CD44: variants seen among roughly 807,000 people sequenced by gnomAD.
The protein encoded by CD44 is CD44 molecule (IN blood group), also known as CD44 antigen.
Under a neutral mutation model 88.8 loss-of-function variants are expected in CD44, and 49 were observed. The ratio of observed to expected loss-of-function variants is 0.55; its 90% CI spans 0.44 to 0.70. The LOEUF is 0.70. CD44 is among the 30% of genes least tolerant of loss of function. The pLI is 0.00. For missense variants in CD44, 883 were observed against 913.8 expected, an observed-to-expected ratio of 0.97 and a Z score of 0.43; for synonymous variants, 325 against 312.3, an observed-to-expected ratio of 1.04 and a Z score of -0.43.
Position 35,208,198 on chromosome 11 carries a change from T to A in CD44, c.1508T>A (p.Met503Lys). 6.2e-7 allele frequency: 1 copy of A among 1,606,190 alleles called. No individual in the cohort carries two copies. Among genetic ancestry groups the A allele is most frequent in the African/African-American group, 1.3e-5 (1 of 74,856 alleles). ...EDLDRTGPLSMTTQQSNSQSF... is the reference protein window; with the variant it reads ...EDLDRTGPLSKTTQQSNSQSF... ...TTGGACAGGACAGGACCTCTTTCAA[T>A]GACAACGCGTAAGAATAACGATGCT... is the stretch of plus-strand genomic sequence containing the variant. The change falls in exon 12 of 18, where the codon ATG becomes AAG. Residue 503 changes from methionine to lysine, a missense_variant. Physicochemically the swap from Met to Lys is moderately conservative, Grantham distance 95 (BLOSUM62 -1). Around this residue, in one of 2 missense-constraint regions of CD44, gnomAD observed 631 missense variants for 590.9 expected, o/e 1.07. Transcript: ENST00000428726.
chr11:35,195,206 T>C (rs937592936), intron 5 of CD44, among the ~76,000 whole-genome samples: 4 of 152,228 alleles, frequency 2.6e-5, no homozygotes, highest in Admixed American at 2.0e-4. Flanking sequence ...TTTATTAACT[T>C]TCATTGATGG....
intron 1 of CD44, among the ~76,000 whole-genome samples, chr11:35,140,353 C>T (rs545614248): frequency 2.6e-5 from 4 of 152,286 alleles, no homozygotes; most frequent in Admixed American, 2.0e-4. Flanking sequence ...ATTTGCTTAT[C>T]GCTGGCCAAA....
rs552662107 is a variant in CD44, at chr11:35,196,795, A to G, written c.717A>G (p.Gln239=). ...ATATETATKR[Q]ETWDWFSWLF... Reference sequence around the variant, plus strand: ...CAACTGAGACAGCAACCAAGAGGCAAGAAACCTGGGATTGGTTTTCATGGT... The same window carrying G: ...CAACTGAGACAGCAACCAAGAGGCAGGAAACCTGGGATTGGTTTTCATGGT... The change falls in exon 6 of 18, where the codon CAA becomes CAG. Residue 239 remains glutamine (Q), a synonymous_variant. Coordinates refer to ENST00000428726, the MANE Select transcript of CD44 (RefSeq NM_000610.4). 160 of 1,613,862 alleles carry G rather than the reference A, an allele frequency of 9.9e-5. 1 individual carries two copies. The South Asian group carries it at 1.3e-3, about 13-fold the overall frequency.
intron 1 of CD44, among the ~76,000 whole-genome samples, chr11:35,152,109 G>C (rs1479944693): frequency 2.6e-5 from 4 of 152,248 alleles, no homozygotes; most frequent in Non-Finnish European, 5.9e-5. Context: ...TATCAGCCCT[G>C]GAGCCTCTGC....
At chr11:35,201,626 T>C (rs1947323499) in intron 8 of CD44, 45 bp from the exon 9 acceptor site, 1 of 1,608,320 alleles carries the variant, frequency 6.2e-7, no homozygotes, top group African/African-American at 1.3e-5. Flanking sequence ...TCATTAAAGA[T>C]TGGTTGATAA....
chr11:35,198,914 C>T (rs568044666), intron 7 of CD44, among the ~76,000 whole-genome samples: 15 of 149,256 alleles, frequency 1.0e-4, no homozygotes, highest in South Asian at 2.1e-4. Context: ...AGGAGGAGAT[C>T]GCGCCACTGC....
Position 35,211,434 on chromosome 11 carries a change from A to C in CD44, c.1795A>C (p.Asn599His). Residue 599 changes from asparagine to histidine, a missense_variant, in exon 14 of 18, where the codon AAT becomes CAT. By Grantham distance (68) the Asn-to-His change is moderately conservative (BLOSUM62 1). Transcript: ENST00000428726. ...VTVGDSNSNV[N>H]RSLSGDQDTF... ...TGTTGGAGATTCCAACTCTAATGTC[A>C]ATCGTTCCTTATCAGGTAATTTGGC... The C allele has an allele frequency of 1.2e-6, 2 of 1,613,490 alleles. No individual in the cohort carries two copies. The highest frequency in any genetic ancestry group is 1.7e-6 in the Non-Finnish European group (2 of 1,179,522).
intron 1 of CD44, among the ~76,000 whole-genome samples, chr11:35,175,931 T>A (rs1944410471): frequency 6.6e-6 from 1 of 150,448 alleles, no homozygotes; most frequent in Admixed American, 6.6e-5. Flanking sequence ...AGTGGCATGA[T>A]CTCGGCTCAC....
rs1272093588 is a variant in CD44 at position 35,189,951 on chromosome 11, G to A, written c.553G>A (p.Glu185Lys). Residue 185 changes from glutamate to lysine, a missense_variant, in exon 5 of 18, where the codon GAA (glutamate) becomes AAA (lysine). Glu to Lys is a moderately conservative substitution (Grantham distance 56). Around this residue, in one of 2 missense-constraint regions of CD44, gnomAD observed 252 missense variants for 322.9 expected, o/e 0.78. Coordinates refer to ENST00000428726, the MANE Select transcript of CD44 (RefSeq NM_000610.4). ...TGACGTGAGCAGCGGCTCCTCCAGT[G>A]AAAGGAGCAGCACTTCAGGAGGTTA... ...DDDVSSGSSS[E>K]RSSTSGGYIF... 1.2e-6 allele frequency: 2 copies of A among 1,613,934 alleles called. No individual in the cohort carries two copies. Among genetic ancestry groups the A allele is most frequent in the South Asian group, 2.2e-5 (2 of 91,076 alleles).
chr11:35,155,136 G>A (rs1270964679), intron 1 of CD44, among the ~76,000 whole-genome samples: 1 of 152,112 alleles, frequency 6.6e-6, no homozygotes, highest in Non-Finnish European at 1.5e-5. Flanking sequence ...TTTCTCATTG[G>A]ATGAATGGGG....
intron 1 of CD44, among the ~76,000 whole-genome samples, chr11:35,148,830 A>G (rs757426405): frequency 2.6e-5 from 4 of 152,174 alleles, no homozygotes; most frequent in Non-Finnish European, 5.9e-5. Context: ...TCCGTTACTT[A>G]TCTTTTGTGA....
rs200586417 is a variant in CD44, at chr11:35,210,040, C to T, written c.1592C>T (p.Thr531Ile). 7 of 1,551,710 alleles carry T rather than the reference C, an allele frequency of 4.5e-6. No homozygotes were observed. Among genetic ancestry groups the T allele is most frequent in the Non-Finnish European group, 5.2e-6 (6 of 1,154,278 alleles). Residue 531 changes from threonine (T) to isoleucine (I), a missense_variant, in exon 13 of 18, where the codon ACT (threonine) becomes ATT (isoleucine). By Grantham distance (89) the Thr-to-Ile change is moderately conservative. Coordinates refer to ENST00000428726, the MANE Select transcript of CD44 (RefSeq NM_000610.4). Reference sequence around the variant, plus strand: ...GATAAAGACCATCCAACAACTTCTACTCTGACATCAAGCAGTAAGGATTAT... The same window carrying T: ...GATAAAGACCATCCAACAACTTCTATTCTGACATCAAGCAGTAAGGATTAT... Reference protein sequence around the residue: ...EEDKDHPTTSTLTSSNRNDVT... With the variant: ...EEDKDHPTTSILTSSNRNDVT...
At position 35,141,945 on chromosome 11, in the gene CD44, A is replaced by T. The variant is rs529853352; in HGVS notation, c.67+2575A>T. On this transcript the variant is annotated intron_variant, in intron 1 of 17. Transcript: ENST00000428726. ...GGTGGACTCTGGACAACCACGAGGA[A>T]ACTTTGGAAAGGAGCAAGGCTTTGA... is the stretch of plus-strand genomic sequence containing the variant. 4.7e-4 allele frequency among the ~76,000 whole-genome samples: 71 copies of T among 152,280 alleles called. 2 individuals are homozygous for T. The highest frequency in any genetic ancestry group is 8.1e-4 in the Non-Finnish European group (55 of 68,022).
At chr11:35,139,564 T>C (rs976379795) in intron 1 of CD44, 194 bp downstream of exon 1, 2 of 768,522 alleles carry the variant, frequency 2.6e-6, no homozygotes, top group Non-Finnish European at 4.7e-6. Flanking sequence ...GAAGCACCAT[T>C]TGGTTGAAAG....
chr11:35,148,091 CA>C (rs879293303), intron 1 of CD44, among the ~76,000 whole-genome samples: 303 of 139,672 alleles, frequency 2.2e-3, no homozygotes, highest in East Asian at 8.5e-3. Flanking sequence ...AACTCGGTCT[CA>C]AAAAAAAAAA....
At chr11:35,206,448 G>A (rs931089007) in intron 11 of CD44, among the ~76,000 whole-genome samples, 1 of 152,102 alleles carries the variant, frequency 6.6e-6, no homozygotes, top group Non-Finnish European at 1.5e-5. Flanking sequence ...AAGGAATTTA[G>A]CAGGAGGGTT....
At chr11:35,162,710 C>T (rs1261622207) in intron 1 of CD44, among the ~76,000 whole-genome samples, 1 of 152,074 alleles carries the variant, frequency 6.6e-6, no homozygotes, top group African/African-American at 2.4e-5. Context: ...AACCTTTTGG[C>T]CCACATTTTA....
At chr11:35,187,144 G>C (rs181367618) in intron 4 of CD44, among the ~76,000 whole-genome samples, 142 of 152,172 alleles carry the variant, frequency 9.3e-4, no homozygotes, top group Non-Finnish European at 1.6e-3. Flanking sequence ...CATAGTGGCA[G>C]GTGCCTGTAA....
At chr11:35,184,930 T>C (rs1945508583) in intron 3 of CD44, among the ~76,000 whole-genome samples, 1 of 152,222 alleles carries the variant, frequency 6.6e-6, no homozygotes, top group Non-Finnish European at 1.5e-5. Context: ...TACTTTTTTC[T>C]TTTTTCATCC....
Sources: gnomAD v4.1 joint callset for allele counts (sites outside exome capture counted in the v4.1 genomes callset) on GRCh38, gnomAD v4.1.1 for gene constraint, gnomAD v4.1.1 regional missense constraint, MANE v1.5 for transcripts, NCBI Gene and HGNC (gene_info 2026-07-23, HGNC 2026-07-21) for gene names.